Variants in CUL4A observed in about 807,000 individuals in gnomAD.
The protein encoded by CUL4A is cullin 4A.
A neutral mutation model predicts 95.5 loss-of-function variants in CUL4A; 16 were observed. The observed-to-expected ratio is 0.17, with a 90% CI of 0.11 to 0.25. The LOEUF (loss-of-function observed/expected upper bound fraction) is 0.25, where lower values mean the gene tolerates loss of function less well. Ranked by LOEUF, CUL4A falls within the 10% of genes least tolerant of loss-of-function variation. The pLI is 1.00. For synonymous variants in CUL4A, 380 were observed against 353.1 expected (o/e 1.08, Z -0.85); for missense variants, 610 against 937.0 (o/e 0.65, Z 4.56).
chr13:113,254,314 C>T (rs1175610029), intron 16 of CUL4A, among the ~76,000 whole-genome samples: 1 of 152,190 alleles, frequency 6.6e-6, no homozygotes. Flanking sequence ...ACGTTACAGT[C>T]AGTCCCGTAT....
chr13:113,208,556 G>A (rs780021015), upstream of CUL4A: 7 of 1,599,508 alleles, frequency 4.4e-6, no homozygotes, highest in African/African-American at 1.3e-5. Flanking sequence ...GGAACACGCC[G>A]AGGGCCAACC....
chr13:113,246,040 A>C lies in CUL4A; in HGVS notation c.1615A>C (p.Met539Leu). 3 of 1,613,754 alleles carry C rather than the reference A, an allele frequency of 1.9e-6. No individual in the cohort carries two copies. The highest frequency in any genetic ancestry group is 2.5e-6 in the Non-Finnish European group (3 of 1,179,966). The part of the protein sequence containing the change: ...TMGYWPTYTP[M>L]EVHLTPEMIK... ...GGGCTACTGGCCAACATACACGCCC[A>C]TGGAAGTGCACTTAACCCCAGAAGT... Residue 539 changes from methionine (M) to leucine (L), a missense_variant, in exon 15 of 20, where the codon ATG (methionine) becomes CTG (leucine). Met to Leu is a conservative substitution (Grantham distance 15). This residue lies in a region of CUL4A where 44 missense variants were observed against 75.6 expected (regional missense o/e 0.58). Transcript: ENST00000375440.
At chr13:113,232,775 G>A (rs2041400823) in intron 5 of CUL4A, among the ~76,000 whole-genome samples, 1 of 152,196 alleles carries the variant, frequency 6.6e-6, no homozygotes. Context: ...TGGGAAGAGA[G>A]TGTACCCTGA....
At chr13:113,218,824 G>A (rs991371583) in intron 2 of CUL4A, 121 bp from the exon 3 acceptor site, 1 of 617,020 alleles carries the variant, frequency 1.6e-6, no homozygotes, top group African/African-American at 1.9e-5. Flanking sequence ...GATTCCTGAA[G>A]TACTGGGGTA....
chr13:113,239,608 C>A (rs1264840183), intron 10 of CUL4A, 57 bp downstream of exon 10: 3 of 1,354,320 alleles, frequency 2.2e-6, no homozygotes, highest in Non-Finnish European at 2.1e-6. Context: ...GAGCAGAGCC[C>A]CTCCTGAGAA....
chr13:113,241,171 G>A (rs2041698702), intron 10 of CUL4A, among the ~76,000 whole-genome samples: 2 of 152,148 alleles, frequency 1.3e-5, no homozygotes, highest in Non-Finnish European at 2.9e-5. Flanking sequence ...AGCTACTGAA[G>A]ATTTAGGTTT....
intron 2 of CUL4A, among the ~76,000 whole-genome samples, chr13:113,215,811 A>G (rs192097321): frequency 0.013 from 1,293 of 98,192 alleles, 31 homozygotes; most frequent in Non-Finnish European, 0.019. Context: ...CTGTGTGACT[A>G]TGGAGGTCGC....
chr13:113,255,559 G>A (rs919256711), intron 18 of CUL4A, among the ~76,000 whole-genome samples: 4 of 151,974 alleles, frequency 2.6e-5, no homozygotes, highest in African/African-American at 9.7e-5. Context: ...ATGTTCTGTC[G>A]CTGTATCCCT....
At position 113,263,479 on chromosome 13, in the gene CUL4A, T is replaced by C. The variant is rs766050011; in HGVS notation, c.2185-8T>C. ...TGTAATTAGGGGGGTTTTATTCTTC[T>C]TTTTTAGCCTGGAGATTTGAAAAAG... is the stretch of plus-strand genomic sequence containing the variant. On this transcript the variant is annotated splice_region_variant and splice_polypyrimidine_tract_variant and intron_variant, in intron 19 of 19. Transcript: ENST00000375440. 4 of 1,582,650 alleles carry C rather than the reference T, an allele frequency of 2.5e-6. No homozygotes were observed. The highest frequency in any genetic ancestry group is 1.2e-5 in the South Asian group (1 of 86,636).
intron 15 of CUL4A, among the ~76,000 whole-genome samples, chr13:113,252,448 G>A (rs746096883): frequency 1.3e-5 from 2 of 152,144 alleles, no homozygotes; most frequent in Non-Finnish European, 2.9e-5. Flanking sequence ...ACTGAGGCAG[G>A]TGGATCACTT....
At chr13:113,227,237 T>C (rs900547502) in intron 3 of CUL4A, among the ~76,000 whole-genome samples, 1 of 152,308 alleles carries the variant, frequency 6.6e-6, no homozygotes, top group Admixed American at 6.5e-5. Flanking sequence ...GTGTGGCTCA[T>C]CAACAGCAGG....
intron 3 of CUL4A, among the ~76,000 whole-genome samples, chr13:113,227,520 A>G (rs1418803910): frequency 1.3e-5 from 2 of 152,266 alleles, no homozygotes; most frequent in Non-Finnish European, 2.9e-5. Context: ...TTGGGGGGAC[A>G]TGAACATTCA....
chr13:113,229,328 G>C lies in CUL4A; in HGVS notation c.439-118G>C, dbSNP rs902781988. ...AAAAAAAAAATAAAACATGAGGGCT[G>C]TGGTGGACAGGAAACAGCTGTTGGA... is the stretch of plus-strand genomic sequence containing the variant. On this transcript the variant is annotated intron_variant, in intron 4 of 19. Coordinates refer to ENST00000375440, the MANE Select transcript of CUL4A (RefSeq NM_001008895.4). 3.0e-5 allele frequency: 23 copies of C among 767,454 alleles called. No homozygotes were observed. The East Asian group carries it at 6.0e-4, about 20-fold the overall frequency. 47.5% of individuals were successfully genotyped at this position (767,454 alleles called of 1,614,324 possible). A position where few individuals can be genotyped will look rare whatever the true frequency, so the allele number is the denominator to read the frequency against.
chr13:113,209,928 C>T lies in CUL4A; in HGVS notation c.149-45C>T, dbSNP rs972687507. 2.8e-6 allele frequency: 4 copies of T among 1,416,844 alleles called. No individual in the cohort carries two copies. In the Admixed American group the frequency reaches 7.9e-5, roughly 28 times the overall value. 87.8% of individuals were successfully genotyped at this position (1,416,844 alleles called of 1,614,324 possible). On this transcript the variant is annotated intron_variant, in intron 1 of 19. Transcript: ENST00000375440. ...GGGTCGGGGGTGGCTACGCGGGGCG[C>T]TTCGCGGCGCGCCCTGAGCCGCCCG...
At chr13:113,208,620 G>T, upstream of CUL4A, 2 of 1,608,044 alleles carry the variant, frequency 1.2e-6, no homozygotes, top group East Asian at 4.5e-5. Flanking sequence ...ACTGGTTAAT[G>T]GTAATGTGCG....
intron 3 of CUL4A, among the ~76,000 whole-genome samples, chr13:113,225,553 A>C (rs1862625415): frequency 6.6e-6 from 1 of 152,240 alleles, no homozygotes; most frequent in Admixed American, 6.5e-5. Flanking sequence ...TCTTCACAAC[A>C]CCTGAGCTGC....
chr13:113,214,950 G>A (rs1241941931), intron 2 of CUL4A, among the ~76,000 whole-genome samples: 1 of 151,786 alleles, frequency 6.6e-6, no homozygotes, highest in Non-Finnish European at 1.5e-5. Flanking sequence ...GACTGTGGAG[G>A]TCACGTCCCA....
chr13:113,214,754 G>A (rs1362847039), intron 2 of CUL4A, among the ~76,000 whole-genome samples: 2 of 152,182 alleles, frequency 1.3e-5, no homozygotes, highest in African/African-American at 4.8e-5. Flanking sequence ...GTGAAAGAGA[G>A]AGGTTAGTCC....
chr13:113,208,685 G>T, upstream of CUL4A: 1 of 1,568,376 alleles, frequency 6.4e-7, no homozygotes, highest in Non-Finnish European at 8.6e-7. Flanking sequence ...AAGCGGGCCA[G>T]CTGGCGTCAC....
Sources: allele counts gnomAD v4.1 joint callset (sites outside exome capture counted in the v4.1 genomes callset), GRCh38; gene constraint gnomAD v4.1.1; regional missense constraint gnomAD v4.1.1; transcripts MANE v1.5; gene names NCBI Gene and HGNC (gene_info 2026-07-23, HGNC 2026-07-21).